Variants in GFRA2 observed in about 807,000 individuals in gnomAD.
GFRA2 encodes GDNF family receptor alpha-2.
Under a neutral mutation model 48.3 loss-of-function variants are expected in GFRA2, and 17 were observed. The observed-to-expected ratio is 0.35, with a 90% CI of 0.24 to 0.53. The LOEUF is 0.53. Among genes scored for constraint, GFRA2 ranks in the 20% least tolerant of loss-of-function variants. GFRA2 has a pLI of 0.93. For missense variants in GFRA2, 660 were observed against 637.3 expected (o/e 1.04, Z -0.38); for synonymous variants, 305 against 257.2 (o/e 1.19, Z -1.78).
Position 21,705,079 on chromosome 8 carries a change from G to A in GFRA2, c.951C>T (p.Ile317=), listed in dbSNP as rs576343653. Residue 317 remains isoleucine (I), a synonymous_variant, in exon 6 of 9, where the codon ATC becomes ATT. Transcript: ENST00000524240. ...PNYVDSSPTG[I]VVSPWCSCRG... ...GACAGCTGCACCAGGGGGACACCAC[G>A]ATGCCAGTGGGGCTGGAGTCCACAT... 2.0e-5 allele frequency: 33 copies of A among 1,610,960 alleles called. No homozygotes were observed. The East Asian group carries it at 2.7e-4, about 13-fold the overall frequency.
intron 4 of GFRA2, among the ~76,000 whole-genome samples, chr8:21,741,670 T>C (rs1014045671): frequency 6.6e-6 from 1 of 152,098 alleles, no homozygotes; most frequent in Non-Finnish European, 1.5e-5. Flanking sequence ...ACACCTGTAA[T>C]CCCAGCACTT....
chr8:21,767,340 T>C (rs1806220780), intron 3 of GFRA2, among the ~76,000 whole-genome samples: 1 of 151,876 alleles, frequency 6.6e-6, no homozygotes, highest in Non-Finnish European at 1.5e-5. Flanking sequence ...CACACACACA[T>C]CCTACCATGC....
chr8:21,793,195 C>G (rs1807607481), upstream of GFRA2, among the ~76,000 whole-genome samples: 1 of 152,194 alleles, frequency 6.6e-6, no homozygotes, highest in East Asian at 1.9e-4. Flanking sequence ...GCCTTGCAGT[C>G]TTCAGATTCA....
intron 4 of GFRA2, among the ~76,000 whole-genome samples, chr8:21,709,026 C>T (rs552698592): frequency 6.6e-6 from 1 of 152,182 alleles, no homozygotes; most frequent in Non-Finnish European, 1.5e-5. Flanking sequence ...GTCCGAACAC[C>T]GGAGTGGGCT....
chr8:21,696,762 G>T (rs1802196771), intron 7 of GFRA2, among the ~76,000 whole-genome samples: 1 of 152,072 alleles, frequency 6.6e-6, no homozygotes, highest in Non-Finnish European at 1.5e-5. Context: ...AGAGTGGAGG[G>T]GACACTGGCA....
chr8:21,756,995 C>T (rs184078269), intron 3 of GFRA2, among the ~76,000 whole-genome samples: 51 of 152,284 alleles, frequency 3.3e-4, no homozygotes, highest in South Asian at 2.1e-3. Context: ...GAGAGGGAGG[C>T]GGGATTTAAC....
chr8:21,713,036 CGAGGGAGAGGGAGAGGGAGA>C (rs1803144455), intron 4 of GFRA2, among the ~76,000 whole-genome samples: 1 of 145,728 alleles, frequency 6.9e-6, no homozygotes, highest in Admixed American at 6.8e-5. Flanking sequence ...GAGAGGGAGA[CGAGGGAGAGGGAGAGGGAGA>C]CGAGGGAAAG....
chr8:21,777,063 G>A (rs1806742225), intron 2 of GFRA2, among the ~76,000 whole-genome samples: 1 of 152,190 alleles, frequency 6.6e-6, no homozygotes, highest in African/African-American at 2.4e-5. Flanking sequence ...TACTCTATGA[G>A]ATAGGCACTA....
chr8:21,704,335 G>T (rs889151851), intron 6 of GFRA2, among the ~76,000 whole-genome samples: 1 of 152,180 alleles, frequency 6.6e-6, no homozygotes, highest in African/African-American at 2.4e-5. Context: ...CCCCCGCCCA[G>T]AGCAGCTCAC....
chr8:21,693,565 G>A (rs562869709), intron 8 of GFRA2, among the ~76,000 whole-genome samples, 165 bp from the exon 9 acceptor site: 3 of 152,150 alleles, frequency 2.0e-5, no homozygotes, highest in East Asian at 1.9e-4. Context: ...TGAAGGGAGC[G>A]CTGACTCTCC....
chr8:21,805,586 C>T (rs1807845764), intron 1 of GFRA2, among the ~76,000 whole-genome samples: 1 of 152,138 alleles, frequency 6.6e-6, no homozygotes, highest in Non-Finnish European at 1.5e-5. Flanking sequence ...TTCATTTACC[C>T]TCATTAATAG....
chr8:21,719,349 C>A (rs370584620), intron 4 of GFRA2, among the ~76,000 whole-genome samples: 2 of 152,242 alleles, frequency 1.3e-5, no homozygotes, highest in East Asian at 3.9e-4. Flanking sequence ...CACTCCTTCA[C>A]GTCCTCCAAA....
At chr8:21,745,591 G>A (rs1379377808) in intron 4 of GFRA2, among the ~76,000 whole-genome samples, 1 of 152,214 alleles carries the variant, frequency 6.6e-6, no homozygotes. Flanking sequence ...CAGAAACCTG[G>A]AGGAAGTCAA....
intron 6 of GFRA2, among the ~76,000 whole-genome samples, chr8:21,703,299 G>A (rs923618659): frequency 9.2e-5 from 14 of 152,034 alleles, no homozygotes; most frequent in Non-Finnish European, 1.5e-4. Context: ...GGAGGAGGGG[G>A]CCACCTCCTC....
At chr8:21,794,568 T>C (rs1807635533) in intron 2 of GFRA2, among the ~76,000 whole-genome samples, 1 of 152,204 alleles carries the variant, frequency 6.6e-6, no homozygotes, top group African/African-American at 2.4e-5. Context: ...TTATTTTTTA[T>C]TTAAAAACTA....
chr8:21,706,850 C>G (rs2117376595), intron 4 of GFRA2, among the ~76,000 whole-genome samples: 1 of 152,316 alleles, frequency 6.6e-6, no homozygotes, highest in South Asian at 2.1e-4. Context: ...AGCTCCAGAC[C>G]TAGACATGGA....
chr8:21,782,705 G>T lies in GFRA2; in HGVS notation c.235C>A (p.Gln79Lys). Reference sequence around the variant, plus strand: ...TCCTGCAAGACCTCCAAGGCCGCCTGGCACTCCTTGTTGGCCAGCATGGTG... The same window carrying T: ...TCCTGCAAGACCTCCAAGGCCGCCTTGCACTCCTTGTTGGCCAGCATGGTG... The part of the protein sequence containing the change: ...RNTMLANKEC[Q>K]AALEVLQESP... The change falls in exon 2 of 9, where the codon CAG (glutamine) becomes AAG (lysine). Residue 79 changes from glutamine (Q) to lysine (K), a missense_variant. Physicochemically the swap from Gln to Lys is moderately conservative, Grantham distance 53. Transcript: ENST00000524240. 1 of 1,594,956 alleles carries T rather than the reference G, an allele frequency of 6.3e-7. No homozygotes were observed. The highest frequency in any genetic ancestry group is 8.5e-7 in the Non-Finnish European group (1 of 1,171,282).
intron 4 of GFRA2, among the ~76,000 whole-genome samples, chr8:21,707,161 T>G (rs1166192957): frequency 6.6e-6 from 1 of 152,214 alleles, no homozygotes; most frequent in East Asian, 1.9e-4. Context: ...TCAGTCGCCA[T>G]GCACTCCATG....
chr8:21,746,796 CA>C (rs562714111), intron 4 of GFRA2, among the ~76,000 whole-genome samples: 313 of 124,092 alleles, frequency 2.5e-3, no homozygotes, highest in Admixed American at 2.5e-3. Flanking sequence ...TCCAGAAAAG[CA>C]AAAAAAAAAA....
Sources: gnomAD v4.1 joint callset for allele counts (sites outside exome capture counted in the v4.1 genomes callset) on GRCh38, gnomAD v4.1.1 for gene constraint, MANE v1.5 for transcripts, NCBI Gene and HGNC (gene_info 2026-07-23, HGNC 2026-07-21) for gene names.